Variants in DNAH6 observed in about 807,000 individuals in gnomAD.
DNAH6 encodes dynein axonemal heavy chain 6, also known as axonemal beta dynein heavy chain 6.
A neutral mutation model predicts 491.4 loss-of-function variants in DNAH6; 340 were observed. The observed-to-expected ratio is 0.69, with a 90% CI of 0.63 to 0.76. DNAH6 has a LOEUF of 0.76. DNAH6 is among the 30% of genes least tolerant of loss of function. The pLI, the probability that DNAH6 is intolerant of heterozygous loss-of-function variation, is 0.00. For synonymous variants in DNAH6, 1,603 were observed against 1,686.1 expected (o/e 0.95, Z 1.21); for missense variants, 4,443 against 4,972.2 (o/e 0.89, Z 3.20).
intron 47 of DNAH6, chr2:84,697,975 C>T (rs538310527): frequency 1.4e-5 from 7 of 501,956 alleles, no homozygotes; most frequent in African/African-American, 9.6e-5. Flanking sequence ...CTTGTCCAAA[C>T]TGGCCAGCCT....
At chr2:84,735,350 G>A (rs142684569) in intron 62 of DNAH6, among the ~76,000 whole-genome samples, 23 of 152,292 alleles carry the variant, frequency 1.5e-4, no homozygotes, top group African/African-American at 4.6e-4. Flanking sequence ...ATAGTGCTGC[G>A]ATAAACATGA....
intron 11 of DNAH6, among the ~76,000 whole-genome samples, chr2:84,570,938 G>A (rs1269097778): frequency 6.6e-6 from 1 of 152,098 alleles, no homozygotes; most frequent in Non-Finnish European, 1.5e-5. Flanking sequence ...CCGCTGGGAG[G>A]AACAAACAAC....
Position 84,787,227 on chromosome 2 carries a change from G to T in DNAH6, c.11164G>T (p.Glu3722Ter). 1 of 1,543,694 alleles carries T rather than the reference G, an allele frequency of 6.5e-7. No individual in the cohort carries two copies. Among genetic ancestry groups the T allele is most frequent in the East Asian group, 2.5e-5 (1 of 40,750 alleles). Residue 3722 changes from glutamate to a stop codon, truncating the protein, a stop_gained, in exon 68 of 77, where the codon GAA becomes TAA. Coordinates refer to ENST00000389394, the MANE Select transcript of DNAH6 (RefSeq NM_001370.2). LOFTEE classifies it high-confidence loss of function. ...ICYEFNDSDR[E>*]CALLNLKLYC... The stretch of plus-strand genomic sequence containing the variant: ...CTATGAATTTAATGACAGTGACAGG[G>T]AATGTGCTTTACTGAATCTCAAACT...
intron 20 of DNAH6, among the ~76,000 whole-genome samples, chr2:84,606,020 A>G (rs1685725061): frequency 6.6e-6 from 1 of 152,248 alleles, no homozygotes; most frequent in South Asian, 2.1e-4. Context: ...TGTTTATAGC[A>G]CACGAAAAGG....
At chr2:84,472,059 T>G in the DNAH6 span, among the ~76,000 whole-genome samples, 1 of 152,184 alleles carries the variant, frequency 6.6e-6, no homozygotes, top group Non-Finnish European at 1.5e-5. Flanking sequence ...ACCATATATC[T>G]TGTCCAGCCT....
chr2:84,653,603 CAT>C lies in DNAH6; in HGVS notation c.5366_5367del (p.Tyr1789CysfsTer5). The C allele has an allele frequency of 1.3e-6, 2 of 1,551,308 alleles. No homozygotes were observed. Among genetic ancestry groups the C allele is most frequent in the South Asian group, 1.2e-5 (1 of 84,062 alleles). ...AATTCCTTTTACCAAGCAGTTAAAACATATGTTCTCAACCCTAAATCAATTAC... is the reference window on the plus strand; with the variant it reads ...AATTCCTTTTACCAAGCAGTTAAAACATGTTCTCAACCCTAAATCAATTAC... On this transcript the variant is annotated frameshift_variant, in exon 34 of 77. Transcript: ENST00000389394. LOFTEE classifies it high-confidence loss of function.
intron 41 of DNAH6, among the ~76,000 whole-genome samples, chr2:84,680,544 G>T (rs1193254888): frequency 6.6e-6 from 1 of 152,036 alleles, no homozygotes; most frequent in African/African-American, 2.4e-5. Context: ...AGAGGGCTGG[G>T]CACAGGAAGA....
chr2:84,623,102 G>A (rs1363100174), intron 26 of DNAH6, among the ~76,000 whole-genome samples: 1 of 152,130 alleles, frequency 6.6e-6, no homozygotes, highest in East Asian at 1.9e-4. Flanking sequence ...ACTCAAAATG[G>A]ATTAAGGATT....
At chr2:84,725,069 G>A (rs181884276) in intron 60 of DNAH6, among the ~76,000 whole-genome samples, 9 of 152,278 alleles carry the variant, frequency 5.9e-5, no homozygotes, top group Admixed American at 3.9e-4. Flanking sequence ...TGAACTCCCA[G>A]GAGGCAAAAA....
At chr2:84,576,371 A>T (rs1255690179) in intron 12 of DNAH6, among the ~76,000 whole-genome samples, 10 of 152,074 alleles carry the variant, frequency 6.6e-5, no homozygotes. Flanking sequence ...ATACTATATC[A>T]AACTACCCCT....
chr2:84,819,206 G>A, intron 76 of DNAH6, 99 bp from the exon 77 acceptor site: 2 of 777,662 alleles, frequency 2.6e-6, no homozygotes, highest in Middle Eastern at 3.1e-4. Context: ...GGCAAGTCAG[G>A]CCTGGAACCC....
chr2:84,570,665 T>C (rs551154394), intron 11 of DNAH6, among the ~76,000 whole-genome samples: 1 of 152,278 alleles, frequency 6.6e-6, no homozygotes, highest in Non-Finnish European at 1.5e-5. Context: ...ATCAGCACTC[T>C]GTAAAATGGG....
At chr2:84,701,008 A>C in intron 48 of DNAH6, 89 bp from the exon 49 acceptor site, 2 of 1,420,748 alleles carry the variant, frequency 1.4e-6, no homozygotes, top group Non-Finnish European at 1.9e-6. Flanking sequence ...GGCAGGGAGG[A>C]GTTCCCGAGA....
chr2:84,787,317 G>A lies in DNAH6; in HGVS notation c.11239+15G>A. The A allele has an allele frequency of 6.5e-7, 1 of 1,544,114 alleles. No homozygotes were observed. Among genetic ancestry groups the A allele is most frequent in the Non-Finnish European group, 8.7e-7 (1 of 1,143,944 alleles). ...TTACATTACTGGTGAGTACGTCCTT[G>A]TGGCCAGGCCTTCCATCTATGTACC... On this transcript the variant is annotated intron_variant, in intron 68 of 76. Transcript: ENST00000389394.
intron 55 of DNAH6, among the ~76,000 whole-genome samples, 170 bp from the exon 56 acceptor site, chr2:84,710,117 A>G (rs1360943434): frequency 1.3e-5 from 2 of 152,188 alleles, no homozygotes; most frequent in Non-Finnish European, 2.9e-5. Flanking sequence ...AGTCCCAAAC[A>G]TTGGGCTTAA....
In DNAH6 at chr2:84,525,671, C is replaced by CA. The variant is rs1332983451; in HGVS notation, c.340dup (p.Ser114LysfsTer11). ...ATCATTAAACGTCCAGTAAGCATAG[C>CA]AAAAAAAAGTTTTGCCACATCATCT... On this transcript the variant is annotated frameshift_variant, in exon 3 of 77. Coordinates refer to ENST00000389394, the MANE Select transcript of DNAH6 (RefSeq NM_001370.2). LOFTEE classifies it high-confidence loss of function. The CA allele has an allele frequency of 3.2e-6, 5 of 1,548,152 alleles. No individual in the cohort carries two copies. Among genetic ancestry groups the CA allele is most frequent in the South Asian group, 2.4e-5 (2 of 83,754 alleles).
chr2:84,510,993 T>C, the DNAH6 span, among the ~76,000 whole-genome samples: 1 of 152,056 alleles, frequency 6.6e-6, no homozygotes, highest in African/African-American at 2.4e-5. Context: ...TACTTGGGGG[T>C]GCCTCCCAGT....
chr2:84,743,981 C>T (rs1305550904), intron 62 of DNAH6, among the ~76,000 whole-genome samples: 1 of 152,154 alleles, frequency 6.6e-6, no homozygotes, highest in East Asian at 1.9e-4. Flanking sequence ...GTTCTGCTAC[C>T]TGGTCTTCAG....
At position 84,665,935 on chromosome 2, in the gene DNAH6, G is replaced by A. The variant is rs539472425; in HGVS notation, c.6085-3354G>A. ...AGTGGGCTTCATCCCTGGGATGCACGGCTGGTTCAGCATACACAAATCAAT... is the reference window on the plus strand; with the variant it reads ...AGTGGGCTTCATCCCTGGGATGCACAGCTGGTTCAGCATACACAAATCAAT... On this transcript the variant is annotated intron_variant, in intron 37 of 76. Transcript: ENST00000389394. Among the ~76,000 whole-genome samples the A allele has an allele frequency of 2.6e-5, 4 of 152,232 alleles. No homozygotes were observed. The East Asian group carries it at 5.8e-4, about 22-fold the overall frequency.
Sources: gnomAD v4.1 joint callset for allele counts (sites outside exome capture counted in the v4.1 genomes callset) on GRCh38, gnomAD v4.1.1 for gene constraint, MANE v1.5 for transcripts, NCBI Gene and HGNC (gene_info 2026-07-23, HGNC 2026-07-21) for gene names.